The following WWOX variants were observed in gnomAD, a reference collection of about 807,000 sequenced individuals.
WWOX encodes WW domain containing oxidoreductase.
A neutral mutation model predicts 46.2 loss-of-function variants in WWOX; 69 were observed. The ratio of observed to expected loss-of-function variants is 1.49; its 90% CI spans 1.23 to 1.82. WWOX has a LOEUF of 1.82. WWOX is among the 40% of genes most tolerant of loss of function. The probability of loss-of-function intolerance (pLI) is 0.00; values close to 1 mark genes in which losing one functional copy is unlikely to be tolerated. For missense variants in WWOX, 919 were observed against 542.6 expected (o/e 1.69, Z -6.89); for synonymous variants, 359 against 202.6 (o/e 1.77, Z -6.56).
At chr16:78,334,268 T>C (rs932292999) in intron 5 of WWOX, among the ~76,000 whole-genome samples, 3 of 152,242 alleles carry the variant, frequency 2.0e-5, no homozygotes, top group Non-Finnish European at 2.9e-5. Context: ...ATGCTGTGAA[T>C]ACGGGCTCTC....
chr16:78,878,032 C>T (rs961058840), intron 8 of WWOX, among the ~76,000 whole-genome samples: 12 of 152,278 alleles, frequency 7.9e-5, no homozygotes, highest in Admixed American at 3.9e-4. Flanking sequence ...CTTTGCGTCA[C>T]CAGAGAGGAA....
At chr16:78,431,160 A>G (rs115003342) in intron 7 of WWOX, among the ~76,000 whole-genome samples, 1 of 152,286 alleles carries the variant, frequency 6.6e-6, no homozygotes, top group African/African-American at 2.4e-5. Context: ...AAACGGAAAG[A>G]AACAAACAGC....
chr16:78,774,013 A>G (rs531569721), intron 8 of WWOX, among the ~76,000 whole-genome samples: 18 of 152,324 alleles, frequency 1.2e-4, no homozygotes, highest in Admixed American at 5.9e-4. Flanking sequence ...ATGCATGTGC[A>G]TATGTTGGTG....
intron 5 of WWOX, among the ~76,000 whole-genome samples, chr16:78,185,530 G>A (rs772654547): frequency 1.8e-4 from 27 of 151,630 alleles, no homozygotes; most frequent in Non-Finnish European, 5.9e-5. Flanking sequence ...GAAGCTCATT[G>A]GTAGAGAGCT....
At chr16:78,776,861 G>C (rs2050203155) in intron 8 of WWOX, among the ~76,000 whole-genome samples, 1 of 152,108 alleles carries the variant, frequency 6.6e-6, no homozygotes, top group Non-Finnish European at 1.5e-5. Context: ...GCTATGTCAA[G>C]AATAGAATGG....
At chr16:79,057,978 C>G (rs2048293493) in intron 8 of WWOX, among the ~76,000 whole-genome samples, 2 of 152,112 alleles carry the variant, frequency 1.3e-5, no homozygotes, top group South Asian at 4.1e-4. Flanking sequence ...TTCTCGGGCT[C>G]TTATTCAAGC....
At chr16:78,492,384 C>G (rs1436346928) in intron 8 of WWOX, among the ~76,000 whole-genome samples, 3 of 152,234 alleles carry the variant, frequency 2.0e-5, no homozygotes, top group Non-Finnish European at 4.4e-5. Flanking sequence ...ATTTGTGACT[C>G]TAGCAATTAA....
At chr16:78,789,075 G>T (rs755891845) in intron 8 of WWOX, among the ~76,000 whole-genome samples, 18 of 152,092 alleles carry the variant, frequency 1.2e-4, no homozygotes, top group Non-Finnish European at 2.5e-4. Flanking sequence ...ACAAAAGTTT[G>T]GGTGTTGTAT....
chr16:78,299,047 G>T (rs1234095805), intron 5 of WWOX, among the ~76,000 whole-genome samples: 3 of 152,184 alleles, frequency 2.0e-5, no homozygotes, highest in African/African-American at 7.2e-5. Context: ...TTTCACAGGA[G>T]CCTAGGAGAT....
intron 8 of WWOX, among the ~76,000 whole-genome samples, chr16:78,775,743 T>G (rs988537335): frequency 1.3e-5 from 2 of 152,222 alleles, no homozygotes; most frequent in Admixed American, 6.5e-5. Context: ...ATAATAATCA[T>G]TAGCATCATT....
At chr16:78,667,370 T>A (rs931048884) in intron 8 of WWOX, among the ~76,000 whole-genome samples, 2 of 152,166 alleles carry the variant, frequency 1.3e-5, no homozygotes, top group African/African-American at 4.8e-5. Flanking sequence ...CTACTTTTTT[T>A]AGAAAATTAA....
At chr16:78,553,344 G>C (rs1447542566) in intron 8 of WWOX, 1 of 152,270 alleles carries the variant, frequency 6.6e-6, no homozygotes, top group Admixed American at 6.5e-5. Context: ...GGCAGGGTAA[G>C]CAGGCTTAGG....
rs928712262 is a variant in WWOX, at chr16:79,037,112, C to T, written c.1057-174496C>T. Among the ~76,000 whole-genome samples the T allele has an allele frequency of 7.2e-5, 11 of 152,302 alleles. No homozygotes were observed. The East Asian group carries it at 1.2e-3, about 16-fold the overall frequency. Reference sequence around the variant, plus strand: ...GCCTGGGCTTTACAGCAATGGTTTTCAGTTTGTAATCTCTCTCAAGGAAGG... The same window carrying T: ...GCCTGGGCTTTACAGCAATGGTTTTTAGTTTGTAATCTCTCTCAAGGAAGG... On this transcript the variant is annotated intron_variant, in intron 8 of 8. Coordinates refer to ENST00000566780, the MANE Select transcript of WWOX (RefSeq NM_016373.4).
chr16:79,001,464 T>C (rs1208103214), intron 8 of WWOX, among the ~76,000 whole-genome samples: 1 of 152,164 alleles, frequency 6.6e-6, no homozygotes, highest in African/African-American at 2.4e-5. Flanking sequence ...AATTTGTGCG[T>C]GCAGCTTCTG....
At chr16:78,203,467 C>T (rs191099662) in intron 5 of WWOX, among the ~76,000 whole-genome samples, 9 of 152,170 alleles carry the variant, frequency 5.9e-5, no homozygotes, top group South Asian at 2.1e-4. Context: ...AAGTTTATGA[C>T]GGAAAAGGCA....
intron 8 of WWOX, among the ~76,000 whole-genome samples, chr16:78,878,065 C>G (rs2044269240): frequency 6.6e-6 from 1 of 152,132 alleles, no homozygotes; most frequent in Non-Finnish European, 1.5e-5. Context: ...CAAAGCATTC[C>G]CTGTAGTTTT....
intron 5 of WWOX, among the ~76,000 whole-genome samples, chr16:78,317,336 A>G (rs1760069383): frequency 1.3e-5 from 2 of 152,094 alleles, no homozygotes; most frequent in Admixed American, 1.3e-4. Flanking sequence ...TAGGTAAAGC[A>G]GTGTTTCTTC....
chr16:78,757,122 G>A, intron 8 of WWOX: 1 of 675,138 alleles, frequency 1.5e-6, no homozygotes, highest in Non-Finnish European at 2.7e-6. Context: ...CCCCTATCTA[G>A]AACCACCGAG....
intron 8 of WWOX, among the ~76,000 whole-genome samples, chr16:79,049,622 G>A (rs8048329): frequency 0.019 from 2,870 of 152,186 alleles, 94 homozygotes; most frequent in African/African-American, 0.065. Context: ...TGGATCACGA[G>A]GTCAGGAGTT....
Sources: allele counts gnomAD v4.1 joint callset (sites outside exome capture counted in the v4.1 genomes callset), GRCh38; gene constraint gnomAD v4.1.1; transcripts MANE v1.5; gene names NCBI Gene and HGNC (gene_info 2026-07-23, HGNC 2026-07-21).